Variants in THOC2 observed in about 807,000 individuals in gnomAD.
The protein encoded by THOC2 is THO complex subunit 2, also known as THO complex 2.
In THOC2, 10 loss-of-function variants were observed where a neutral mutation model predicts 128.4. The ratio of observed to expected loss-of-function variants is 0.08; its 90% confidence interval spans 0.05 to 0.13. The LOEUF is 0.13. Ranked by LOEUF, THOC2 falls within the 10% of genes least tolerant of loss-of-function variation. The probability of loss-of-function intolerance (pLI) is 1.00; values close to 1 mark genes in which losing one functional copy is unlikely to be tolerated. For missense variants in THOC2, 535 were observed against 1,155.7 expected (o/e 0.46, Z 7.79); for synonymous variants, 393 against 396.9 (o/e 0.99, Z 0.12).
intron 22 of THOC2, among the ~76,000 whole-genome samples, chrX:123,630,580 T>G (rs2047437378): frequency 1.2e-5 from 1 of 80,515 alleles, no homozygotes; most frequent in African/African-American, 5.2e-5. Flanking sequence ...GCCACTGCAC[T>G]CCAGCCTGGA....
At chrX:123,711,337 G>A (rs1345231321) in intron 2 of THOC2, among the ~76,000 whole-genome samples, 11 of 108,775 alleles carry the variant, frequency 1.0e-4, no homozygotes, top group Non-Finnish European at 3.8e-5. Flanking sequence ...TGGCCCAAAT[G>A]TTCTTTAAAA....
intron 1 of THOC2, among the ~76,000 whole-genome samples, chrX:123,723,860 T>C (rs1336490943): frequency 9.0e-6 from 1 of 111,695 alleles, no homozygotes; most frequent in South Asian, 3.7e-4. Flanking sequence ...GTCAGGATAA[T>C]GTTTACTACA....
Position 123,665,732 on chromosome X carries a change from G to A in THOC2, c.1296C>T (p.Phe432=). The change falls in exon 12 of 39, where the codon TTC becomes TTT. Residue 432 remains phenylalanine, a synonymous_variant. Coordinates refer to ENST00000245838, the MANE Select transcript of THOC2 (RefSeq NM_001081550.2). ...GAGGACCAAGGTAACAGAACATATT[G>A]AACACGTCTCTCCTCAAATCTTCAA... is the stretch of plus-strand genomic sequence containing the variant. ...ESFEDLRRDV[F]NMFCYLGPHL... is the part of the protein sequence containing the mutation. 1 of 1,203,363 alleles carries A rather than the reference G, an allele frequency of 8.3e-7. No individual in the cohort carries two copies. The highest frequency in any genetic ancestry group is 1.1e-6 in the Non-Finnish European group (1 of 890,736).
rs147943182 is a variant in THOC2 at position 123,631,267 on chromosome X, C to T, written c.2481+421G>A. Reference sequence around the variant, plus strand: ...ACAACAGTAAGACGTTACACAAAGACGGCAAACAATTCTCTGGATTGAGAG... The same window carrying T: ...ACAACAGTAAGACGTTACACAAAGATGGCAAACAATTCTCTGGATTGAGAG... On this transcript the variant is annotated intron_variant, in intron 22 of 38. Coordinates refer to ENST00000245838, the MANE Select transcript of THOC2 (RefSeq NM_001081550.2). 4.0e-3 allele frequency among the ~76,000 whole-genome samples: 447 copies of T among 112,069 alleles called. 4 individuals carry two copies. In the East Asian group the frequency reaches 0.064, roughly 16 times the overall value.
At chrX:123,665,951 G>C (rs1401424543) in intron 11 of THOC2, 114 bp from the exon 12 acceptor site, 5 of 449,219 alleles carry the variant, frequency 1.1e-5, no homozygotes, top group Non-Finnish European at 1.6e-5. Flanking sequence ...CTTAATCAGT[G>C]AAATTTTTTC....
chrX:123,697,572 T>G, intron 5 of THOC2, 109 bp downstream of exon 5: 67 of 464,504 alleles, frequency 1.4e-4, no homozygotes, highest in Middle Eastern at 4.2e-4. Context: ...TCTCACCTTA[T>G]GAGAAAAGTC....
Position 123,622,955 on chromosome X carries a change from A to T in THOC2, c.3683-95T>A, listed in dbSNP as rs907904575. ...GATTAGAGAATAATTAGAAAGAAAC[A>T]GCAAGCTGATTACTTCTTAACGCTT... On this transcript the variant is annotated intron_variant, in intron 29 of 38. Transcript: ENST00000245838. 3.4e-6 allele frequency: 3 copies of T among 878,439 alleles called. No homozygotes were observed. In the East Asian group the frequency reaches 1.0e-4, roughly 29 times the overall value. The allele number at this position is 878,439 out of a possible 1,213,427, so 72.4% of individuals were successfully genotyped here. A position where few individuals can be genotyped will look rare whatever the true frequency, so the allele number is the denominator to read the frequency against.
intron 33 of THOC2, among the ~76,000 whole-genome samples, chrX:123,617,714 T>C (rs753431915): frequency 2.7e-5 from 3 of 111,702 alleles, no homozygotes; most frequent in Non-Finnish European, 5.7e-5. Context: ...GGAACCATCA[T>C]CGATTAGAAA....
chrX:123,602,033 A>T (rs1255291238), intron 38 of THOC2: 1 of 112,918 alleles, frequency 8.9e-6, no homozygotes, highest in Admixed American at 9.3e-5. Context: ...ATAATTTCAA[A>T]ACATGATTAT....
intron 9 of THOC2, among the ~76,000 whole-genome samples, chrX:123,670,789 T>C (rs190017226): frequency 1.2e-3 from 138 of 112,543 alleles, no homozygotes; most frequent in Non-Finnish European, 2.3e-3. Flanking sequence ...CTATCTATTC[T>C]GAGCTTTGTG....
intron 33 of THOC2, among the ~76,000 whole-genome samples, chrX:123,618,899 C>T (rs1019221460): frequency 9.0e-6 from 1 of 111,316 alleles, no homozygotes; most frequent in Non-Finnish European, 1.9e-5. Flanking sequence ...TGTGCTGTAA[C>T]TACCAAAAAG....
At chrX:123,645,302 A>G in intron 13 of THOC2, 32 bp downstream of exon 13, 1 of 1,056,403 alleles carries the variant, frequency 9.5e-7, no homozygotes, top group Non-Finnish European at 1.3e-6. Context: ...GACAAACATT[A>G]GACACATTAT....
chrX:123,625,209 A>C (rs1046791281), intron 25 of THOC2, among the ~76,000 whole-genome samples: 1 of 111,101 alleles, frequency 9.0e-6, no homozygotes, highest in Non-Finnish European at 1.9e-5. Flanking sequence ...CTCCTGCCTC[A>C]GCCTCCTGAG....
chrX:123,646,973 A>C (rs1252642811), intron 12 of THOC2, among the ~76,000 whole-genome samples: 2 of 112,039 alleles, frequency 1.8e-5, no homozygotes, highest in Non-Finnish European at 3.8e-5. Context: ...AACAAACCTA[A>C]TAAAGCGACA....
chrX:123,648,793 G>A (rs1355346620), intron 12 of THOC2, among the ~76,000 whole-genome samples: 1 of 111,969 alleles, frequency 8.9e-6, no homozygotes, highest in Non-Finnish European at 1.9e-5. Flanking sequence ...GGGCATCTCT[G>A]AAAGAAAGGC....
At position 123,615,348 on chromosome X, in the gene THOC2, C is replaced by G. The variant is rs183687459; in HGVS notation, c.4312-1159G>C. ...CCAAACATTTTCAATTCAGTTGGCT[C>G]AGAAATACTGCCATAGCAATGCAGA... is the stretch of plus-strand genomic sequence containing the variant. On this transcript the variant is annotated intron_variant, in intron 33 of 38. Coordinates refer to ENST00000245838, the MANE Select transcript of THOC2 (RefSeq NM_001081550.2). Among the ~76,000 whole-genome samples the G allele has an allele frequency of 4.3e-3, 480 of 111,053 alleles. 2 individuals are homozygous for G. The highest frequency in any genetic ancestry group is 0.015 in the African/African-American group (454 of 30,775).
intron 1 of THOC2, among the ~76,000 whole-genome samples, chrX:123,718,610 T>G (rs909076638): frequency 1.8e-5 from 2 of 110,818 alleles, no homozygotes; most frequent in African/African-American, 3.3e-5. Context: ...AATACAAAAA[T>G]TATCCGGGCA....
At chrX:123,731,785 T>C (rs777844137) in intron 1 of THOC2, among the ~76,000 whole-genome samples, 10 of 111,277 alleles carry the variant, frequency 9.0e-5, no homozygotes, top group African/African-American at 3.3e-4. Flanking sequence ...CTGGCACTAT[T>C]ACAAGCGCGG....
chrX:123,640,437 T>C, intron 16 of THOC2, 101 bp downstream of exon 16: 1 of 582,145 alleles, frequency 1.7e-6, no homozygotes, highest in South Asian at 4.0e-5. Flanking sequence ...AGCATAACCT[T>C]ACAATGTTTC....
Sources: gnomAD v4.1 joint callset for allele counts (sites outside exome capture counted in the v4.1 genomes callset) on GRCh38, gnomAD v4.1.1 for gene constraint, MANE v1.5 for transcripts, NCBI Gene and HGNC (gene_info 2026-07-23, HGNC 2026-07-21) for gene names.